Variants in DDX5 observed in about 807,000 individuals in gnomAD.
DDX5 encodes DEAD-box helicase 5.
In DDX5, 6 loss-of-function variants were observed where a neutral mutation model predicts 68.6. The observed-to-expected ratio is 0.09, with a 90% CI of 0.05 to 0.17. DDX5 has a LOEUF of 0.17. Among genes scored for constraint, DDX5 ranks in the 10% least tolerant of loss-of-function variants. The pLI is 1.00. For missense variants in DDX5, 499 were observed against 756.1 expected (o/e 0.66, Z 3.99); for synonymous variants, 350 against 247.0 (o/e 1.42, Z -3.91).
At chr17:64,505,359 G>A in intron 1 of DDX5, 1 of 425,680 alleles carries the variant, frequency 2.3e-6, no homozygotes, top group South Asian at 3.0e-5. Flanking sequence ...CCAGCTGGGG[G>A]AACGCCGCGG....
upstream of DDX5, chr17:64,506,403 C>T (rs1026263885): frequency 4.1e-5 from 57 of 1,393,328 alleles, no homozygotes; most frequent in Non-Finnish European, 5.0e-5. Context: ...TAGGCCGCAA[C>T]GCCCGCTGGC....
In DDX5 at chr17:64,499,918, A is replaced by T. The variant is rs782657374; in HGVS notation, c.*5T>A. On this transcript the variant is annotated 3_prime_UTR_variant, in exon 13 of 13. Coordinates refer to ENST00000225792, the MANE Select transcript of DDX5 (RefSeq NM_004396.5). ...AAACAGACATTTACATATACTTCTA[A>T]AGTCTTATTGGGAATATCCTGTTGG... 12 of 1,575,946 alleles carry T rather than the reference A, an allele frequency of 7.6e-6. No individual in the cohort carries two copies. The highest frequency in any genetic ancestry group is 6.9e-6 in the Non-Finnish European group (8 of 1,159,782).
intron 11 of DDX5, chr17:64,501,719 G>A (rs1444954409): frequency 8.9e-6 from 4 of 450,358 alleles, no homozygotes; most frequent in Non-Finnish European, 1.2e-5. Flanking sequence ...TTTTTCCCTC[G>A]GAGAGAACAG....
intron 1 of DDX5, chr17:64,505,355 G>C: frequency 2.4e-6 from 1 of 422,834 alleles, no homozygotes; most frequent in East Asian, 4.3e-5. Flanking sequence ...AAACCCAGCT[G>C]GGGGAACGCC....
At chr17:64,505,771 C>G (rs2038472982) in intron 1 of DDX5, 2 of 1,536,054 alleles carry the variant, frequency 1.3e-6, no homozygotes, top group East Asian at 4.9e-5. Flanking sequence ...TCGTCTGCCT[C>G]GAAGCGTCCC....
intron 2 of DDX5, 150 bp from the exon 3 acceptor site, chr17:64,504,468 A>C (rs2038375902): frequency 2.2e-6 from 2 of 918,100 alleles, no homozygotes; most frequent in Non-Finnish European, 3.2e-6. Context: ...CCTATTATGA[A>C]AAAAAAAATT....
rs2038253801 is a variant in DDX5 at position 64,499,944 on chromosome 17, C to T, written c.1824G>A (p.Met608Ile). 1 of 1,605,664 alleles carries T rather than the reference C, an allele frequency of 6.2e-7. No homozygotes were observed. The highest frequency in any genetic ancestry group is 1.3e-5 in the African/African-American group (1 of 74,938). Residue 608 changes from methionine to isoleucine, a missense_variant, in exon 13 of 13, where the codon ATG becomes ATA. Physicochemically the swap from Met to Ile is conservative, Grantham distance 10. Transcript: ENST00000225792. ...TAAAPMIGYP[M>I]PTGYSQ ...AGTCTTATTGGGAATATCCTGTTGG[C>T]ATTGGATAACCAATCATAGGTGCAG...
chr17:64,499,317 A>C lies in DDX5; in HGVS notation c.*606T>G, dbSNP rs1054268336. On this transcript the variant is annotated 3_prime_UTR_variant, in exon 13 of 13. Coordinates refer to ENST00000225792, the MANE Select transcript of DDX5 (RefSeq NM_004396.5). ...TTTTACTATTTTCTCATTTAACCAT[A>C]CTAGCAAATAAGGAAAAAGGCTATT... 3.9e-5 allele frequency among the ~76,000 whole-genome samples: 6 copies of C among 152,164 alleles called. No homozygotes were observed. Among genetic ancestry groups the C allele is most frequent in the Non-Finnish European group, 7.3e-5 (5 of 68,030 alleles).
At position 64,502,448 on chromosome 17, in the gene DDX5, C is replaced by T. The variant is rs769020; in HGVS notation, c.1085G>A (p.Arg362Lys). The stretch of plus-strand genomic sequence containing the variant: ...AGGAGCTCACACATACCCATCTCTC[C>T]TCATTTTTCTGGTAAGCTCATCACA... ...RRCDELTRKM[R>K]RDGWPAMGIH... The change falls in exon 9 of 13, where the codon AGG becomes AAG. Residue 362 changes from arginine to lysine, a missense_variant. Arg to Lys is a conservative substitution (Grantham distance 26, BLOSUM62 2). This residue lies in a region of DDX5 where 26 missense variants were observed against 128.2 expected (regional missense o/e 0.20). Transcript: ENST00000225792. 1 of 1,612,156 alleles carries T rather than the reference C, an allele frequency of 6.2e-7. No individual in the cohort carries two copies. Among genetic ancestry groups the T allele is most frequent in the Non-Finnish European group, 8.5e-7 (1 of 1,178,306 alleles).
chr17:64,504,370 A>C (rs1376051508), intron 2 of DDX5, 52 bp from the exon 3 acceptor site: 2 of 1,462,760 alleles, frequency 1.4e-6, no homozygotes, highest in Non-Finnish European at 1.9e-6. Context: ...ACCCCTAGCT[A>C]AATACGTAAT....
At chr17:64,500,354 C>G in intron 12 of DDX5, 28 bp from the exon 13 acceptor site, 1 of 1,584,500 alleles carries the variant, frequency 6.3e-7, no homozygotes, top group Non-Finnish European at 8.6e-7. Flanking sequence ...GCAAATTGAT[C>G]AATTATGTCT....
Position 64,500,127 on chromosome 17 carries a change from A to G in DDX5, c.1641T>C (p.Ser547=), listed in dbSNP as rs781853869. 3 of 1,614,194 alleles carry G rather than the reference A, an allele frequency of 1.9e-6. No homozygotes were observed. The highest frequency in any genetic ancestry group is 1.7e-6 in the Non-Finnish European group (2 of 1,180,024). The part of the protein sequence containing the change: ...AANYTNGSFG[S]NFVSAGIQTS... ...TCTGTATACCAGCAGACACAAAATT[A>G]CTTCCAAAGCTCCCATTGGTGTAAT... The change falls in exon 13 of 13, where the codon AGT becomes AGC. Residue 547 remains serine (S), a synonymous_variant. Coordinates refer to ENST00000225792, the MANE Select transcript of DDX5 (RefSeq NM_004396.5).
chr17:64,500,463 T>C, intron 12 of DDX5, 86 bp downstream of exon 12: 1 of 1,517,848 alleles, frequency 6.6e-7, no homozygotes, highest in South Asian at 1.2e-5. Flanking sequence ...ATTCAAGGTT[T>C]TACTCACCCT....
rs534865248 is a variant in DDX5, at chr17:64,498,826, T to C, written c.*1097A>G. On this transcript the variant is annotated 3_prime_UTR_variant, in exon 13 of 13. Coordinates refer to ENST00000225792, the MANE Select transcript of DDX5 (RefSeq NM_004396.5). Reference sequence around the variant, plus strand: ...CCTAAAGCTATCCCCTGGATCTTTCTAGCAATAAACCCATGTTGAACCTAC... The same window carrying C: ...CCTAAAGCTATCCCCTGGATCTTTCCAGCAATAAACCCATGTTGAACCTAC... 2.0e-4 allele frequency among the ~76,000 whole-genome samples: 30 copies of C among 152,258 alleles called. No individual in the cohort carries two copies. The highest frequency in any genetic ancestry group is 1.2e-3 in the Admixed American group (19 of 15,292).
chr17:64,505,650 G>T, intron 1 of DDX5: 1 of 1,307,230 alleles, frequency 7.6e-7, no homozygotes, highest in Non-Finnish European at 1.1e-6. Context: ...GATGCCGGCC[G>T]CCCTCCTACC....
At chr17:64,502,643 T>C (rs2038327369) in intron 8 of DDX5, 94 bp from the exon 9 acceptor site, 2 of 954,260 alleles carry the variant, frequency 2.1e-6, no homozygotes, top group East Asian at 4.9e-5. Flanking sequence ...AAGTTCAATT[T>C]ACATGGCTGG....
upstream of DDX5, chr17:64,506,779 G>T (rs1334203334): frequency 1.3e-5 from 7 of 531,096 alleles, no homozygotes; most frequent in Non-Finnish European, 2.4e-5. Context: ...TCGCACCCCG[G>T]GACCCGCCCG....
Position 64,498,896 on chromosome 17 carries a change from G to A in DDX5, c.*1027C>T, listed in dbSNP as rs182548455. Among the ~76,000 whole-genome samples, 148 of 152,300 alleles carry A rather than the reference G, an allele frequency of 9.7e-4. No individual in the cohort carries two copies. The highest frequency in any genetic ancestry group is 3.4e-3 in the African/African-American group (141 of 41,546). ...TGTGCTTTTGGTTACGTTGCCTCCT[G>A]ATTAGTCATTAATTTTAATGAGGTT... On this transcript the variant is annotated 3_prime_UTR_variant, in exon 13 of 13. Coordinates refer to ENST00000225792, the MANE Select transcript of DDX5 (RefSeq NM_004396.5).
At chr17:64,506,313 T>G (rs2038520471), upstream of DDX5, 7 of 1,505,946 alleles carry the variant, frequency 4.6e-6, no homozygotes, top group Admixed American at 4.1e-5. Flanking sequence ...CGGCAGCCGC[T>G]TTTATAGTCT....
Sources: allele counts gnomAD v4.1 joint callset (sites outside exome capture counted in the v4.1 genomes callset), GRCh38; gene constraint gnomAD v4.1.1; regional missense constraint gnomAD v4.1.1; transcripts MANE v1.5; gene names NCBI Gene and HGNC (gene_info 2026-07-23, HGNC 2026-07-21).